BACH1: variants seen among roughly 807,000 people sequenced by gnomAD.
BACH1 encodes BTB domain and CNC homolog 1, also known as transcription regulator protein BACH1.
Under a neutral mutation model 52.9 loss-of-function variants are expected in BACH1, and 35 were observed. That is an observed-to-expected ratio of 0.66 (90% CI 0.51 to 0.88). BACH1 has a LOEUF of 0.88. Among genes scored for constraint, BACH1 ranks in the 40% least tolerant of loss-of-function variants. BACH1 has a pLI of 0.00. For missense variants in BACH1, 808 were observed against 872.6 expected, an observed-to-expected ratio of 0.93 and a Z score of 0.93; for synonymous variants, 321 against 319.6, an observed-to-expected ratio of 1.00 and a Z score of -0.05.
intron 2 of BACH1, among the ~76,000 whole-genome samples, chr21:29,353,346 A>T (rs2089214388): frequency 6.6e-6 from 1 of 152,204 alleles, no homozygotes; most frequent in Non-Finnish European, 1.5e-5. Context: ...TGTCTACCAG[A>T]AGGCCCCATG....
At chr21:29,350,369 G>T (rs1323802104), downstream of BACH1, among the ~76,000 whole-genome samples, 1 of 152,160 alleles carries the variant, frequency 6.6e-6, no homozygotes, top group Non-Finnish European at 1.5e-5. Flanking sequence ...GAATTTGAGA[G>T]AGAAAATAAA....
chr21:29,335,662 T>G lies in BACH1; in HGVS notation c.1776+5969T>G, dbSNP rs565532909. 2.0e-5 allele frequency among the ~76,000 whole-genome samples: 3 copies of G among 152,320 alleles called. No individual in the cohort carries two copies. In the East Asian group the frequency reaches 5.8e-4, roughly 29 times the overall value. ...TTTTTGACATTTTGCCACATTTGCT[T>G]TATTTCTCTATCTTGATCTTTCCGC... On this transcript the variant is annotated intron_variant, in intron 4 of 4. Coordinates refer to ENST00000286800, the MANE Select transcript of BACH1 (RefSeq NM_001186.4).
chr21:29,357,212 C>T (rs370237720), intron 2 of BACH1, among the ~76,000 whole-genome samples: 20 of 152,306 alleles, frequency 1.3e-4, no homozygotes, highest in East Asian at 9.6e-4. Flanking sequence ...GGGCGCTGGT[C>T]CCTGGGGGAA....
At chr21:29,300,770 C>T (rs539947132) in intron 1 of BACH1, 1 of 152,352 alleles carries the variant, frequency 6.6e-6, no homozygotes, top group Admixed American at 6.5e-5. Context: ...AAGGGACTTG[C>T]TCTGTTTCTC....
rs192277277 is a variant in BACH1, at chr21:29,354,131, A to G, written c.472+24438A>G. Among the ~76,000 whole-genome samples the G allele has an allele frequency of 1.9e-4, 29 of 152,304 alleles. No homozygotes were observed. In the East Asian group the frequency reaches 5.6e-3, roughly 29 times the overall value. On this transcript the variant is annotated intron_variant, in intron 2 of 4. Transcript: ENST00000422809. ...TTGAGCCAAGGCAATTGCATATGCA[A>G]AGGCTGAGGGATGAGAGAGGGCCTC... is the stretch of plus-strand genomic sequence containing the variant.
At chr21:29,339,619 A>G in intron 4 of BACH1, among the ~76,000 whole-genome samples, 1 of 145,532 alleles carries the variant, frequency 6.9e-6, no homozygotes. Context: ...ATAAGGATTT[A>G]GATGCAAAGG....
At chr21:29,329,234 G>T (rs1194616647) in intron 3 of BACH1, among the ~76,000 whole-genome samples, 2 of 152,158 alleles carry the variant, frequency 1.3e-5, no homozygotes, top group East Asian at 1.9e-4. Flanking sequence ...CTTGAGCCTA[G>T]GAGGTTGAGG....
chr21:29,302,760 C>T (rs1425873936), intron 1 of BACH1, among the ~76,000 whole-genome samples: 1 of 152,212 alleles, frequency 6.6e-6, no homozygotes, highest in Admixed American at 6.5e-5. Context: ...CTGTTGAGAG[C>T]TGAATTGCCG....
At position 29,342,688 on chromosome 21, in the gene BACH1, A is replaced by C; in HGVS notation, c.2066A>C (p.Glu689Ala). 6.2e-7 allele frequency: 1 copy of C among 1,614,218 alleles called. No homozygotes were observed. Among genetic ancestry groups the C allele is most frequent in the Non-Finnish European group, 8.5e-7 (1 of 1,180,036 alleles). The change falls in exon 5 of 5, where the codon GAG (glutamate) becomes GCG (alanine). Residue 689 changes from glutamate (E) to alanine (A), a missense_variant. Physicochemically the swap from Glu to Ala is moderately radical, Grantham distance 107. Coordinates refer to ENST00000286800, the MANE Select transcript of BACH1 (RefSeq NM_001186.4). The part of the protein sequence containing the change: ...VLPPCARGNS[E>A]PGYARGQESQ... ...CCTCCCTGTGCCAGAGGAAACAGTGAGCCTGGCTACGCGCGAGGGCAGGAG... is the reference window on the plus strand; with the variant it reads ...CCTCCCTGTGCCAGAGGAAACAGTGCGCCTGGCTACGCGCGAGGGCAGGAG...
At chr21:29,307,830 C>T (rs141122289) in intron 1 of BACH1, among the ~76,000 whole-genome samples, 1 of 152,252 alleles carries the variant, frequency 6.6e-6, no homozygotes, top group African/African-American at 2.4e-5. Context: ...AATCGCAGGT[C>T]TGGGTGCTTT....
chr21:29,331,975 A>G (rs1045871935), intron 4 of BACH1, among the ~76,000 whole-genome samples: 1 of 152,080 alleles, frequency 6.6e-6, no homozygotes, highest in African/African-American at 2.4e-5. Flanking sequence ...ATCTCGGCTC[A>G]CTGCAACTTC....
intron 3 of BACH1, 62 bp downstream of exon 3, chr21:29,327,455 A>T (rs963378730): frequency 6.5e-7 from 1 of 1,544,702 alleles, no homozygotes; most frequent in Non-Finnish European, 8.7e-7. Context: ...TTTACTGTGG[A>T]TCAGCTCCCT....
At chr21:29,304,316 G>A (rs978766231) in intron 1 of BACH1, among the ~76,000 whole-genome samples, 4 of 151,854 alleles carry the variant, frequency 2.6e-5, no homozygotes, top group African/African-American at 9.7e-5. Context: ...AGTAGAGATG[G>A]GTTTCACCAT....
In BACH1 at chr21:29,326,665, G is replaced by A. The variant is rs1257840097; in HGVS notation, c.841G>A (p.Glu281Lys). ...TTTGCAGGTGATGTTAAAATGTGACGAAAGTAAATTAGCAATGGAACCTGA... is the reference window on the plus strand; with the variant it reads ...TTTGCAGGTGATGTTAAAATGTGACAAAAGTAAATTAGCAATGGAACCTGA... ...RDLQVMLKCD[E>K]SKLAMEPEET... Residue 281 changes from glutamate (E) to lysine (K), a missense_variant, in exon 3 of 5, where the codon GAA becomes AAA. Transcript: ENST00000286800. 8 of 1,614,030 alleles carry A rather than the reference G, an allele frequency of 5.0e-6. No homozygotes were observed. The highest frequency in any genetic ancestry group is 2.2e-5 in the East Asian group (1 of 44,898).
At chr21:29,337,167 C>T (rs1255998885) in intron 4 of BACH1, among the ~76,000 whole-genome samples, 5 of 152,224 alleles carry the variant, frequency 3.3e-5, no homozygotes, top group Non-Finnish European at 7.3e-5. Context: ...TAGCACTTGC[C>T]ATGGTCTCAC....
chr21:29,351,357 C>T (rs1045903338), intron 2 of BACH1, among the ~76,000 whole-genome samples: 31 of 152,172 alleles, frequency 2.0e-4, no homozygotes, highest in African/African-American at 7.2e-4. Context: ...CTATTTGGTC[C>T]ACCTCAGAAA....
rs2088958201 is a variant in BACH1 at position 29,329,658 on chromosome 21, T to C, written c.1741T>C (p.Cys581Arg). The C allele has an allele frequency of 1.9e-6, 3 of 1,573,410 alleles. No homozygotes were observed. Among genetic ancestry groups the C allele is most frequent in the Admixed American group, 2.0e-5 (1 of 50,844 alleles). The change falls in exon 4 of 5, where the codon TGT (cysteine) becomes CGT (arginine). Residue 581 changes from cysteine to arginine, a missense_variant. Physicochemically the swap from Cys to Arg is radical, Grantham distance 180. Transcript: ENST00000286800. ...GCGCTGTCGCAAGAGAAAACTTGACTGTATACAGAATCTTGAATCAGAAAT... is the reference window on the plus strand; with the variant it reads ...GCGCTGTCGCAAGAGAAAACTTGACCGTATACAGAATCTTGAATCAGAAAT... ...AQRCRKRKLD[C>R]IQNLESEIEK...
At chr21:29,338,638 A>G (rs2089073812) in intron 4 of BACH1, among the ~76,000 whole-genome samples, 1 of 152,124 alleles carries the variant, frequency 6.6e-6, no homozygotes, top group Admixed American at 6.5e-5. Context: ...CAAAGTGCTG[A>G]GATTTTAGGC....
intron 1 of BACH1, among the ~76,000 whole-genome samples, chr21:29,319,480 A>G (rs2088824305): frequency 6.6e-6 from 1 of 151,660 alleles, no homozygotes; most frequent in Non-Finnish European, 1.5e-5. Context: ...TATCAGGAGG[A>G]GAAAAGTGGC....
Sources: gnomAD v4.1 joint callset for allele counts (sites outside exome capture counted in the v4.1 genomes callset) on GRCh38, gnomAD v4.1.1 for gene constraint, MANE v1.5 for transcripts, NCBI Gene and HGNC (gene_info 2026-07-23, HGNC 2026-07-21) for gene names.